The following POM121C variants were observed in gnomAD, a reference collection of about 807,000 sequenced individuals.
The protein encoded by POM121C is POM121 transmembrane nucleoporin C.
A neutral mutation model predicts 66.4 loss-of-function variants in POM121C; 20 were observed. The observed-to-expected ratio is 0.30, with a 90% CI of 0.21 to 0.44. The LOEUF is 0.44. POM121C is among the 20% of genes least tolerant of loss of function. The pLI, the probability that POM121C is intolerant of heterozygous loss-of-function variation, is 1.00. For missense variants in POM121C, 580 were observed against 1,225.7 expected, an observed-to-expected ratio of 0.47 and a Z score of 7.87; for synonymous variants, 286 against 528.0, an observed-to-expected ratio of 0.54 and a Z score of 6.28.
At chr7:75,440,785 G>A (rs1790612892) in intron 5 of POM121C, 169 bp downstream of exon 5, 1 of 1,159,978 alleles carries the variant, frequency 8.6e-7, no homozygotes. Context: ...GCCTTGAAAT[G>A]AACAGCATTA....
intron 11 of POM121C, 28 bp downstream of exon 11, chr7:75,424,498 C>T (rs782306075): frequency 1.1e-5 from 17 of 1,610,350 alleles, no homozygotes; most frequent in South Asian, 4.4e-5. Flanking sequence ...TGAAACCTCT[C>T]GAGAGTGCAA....
chr7:75,456,504 G>A (rs1158840613), intron 3 of POM121C, among the ~76,000 whole-genome samples: 1 of 152,136 alleles, frequency 6.6e-6, no homozygotes, highest in Non-Finnish European at 1.5e-5. Flanking sequence ...AGGGAGAAGA[G>A]GGCCCCAGTG....
At chr7:75,433,594 G>T (rs1201956474) in intron 7 of POM121C, among the ~76,000 whole-genome samples, 2 of 152,058 alleles carry the variant, frequency 1.3e-5, no homozygotes, top group African/African-American at 2.4e-5. Flanking sequence ...CACCTGACCT[G>T]GTGATCTGCC....
intron 7 of POM121C, among the ~76,000 whole-genome samples, chr7:75,430,112 A>G (rs1350484945): frequency 6.6e-6 from 1 of 152,246 alleles, no homozygotes; most frequent in African/African-American, 2.4e-5. Flanking sequence ...CAGTAGATGA[A>G]AGGCAATCCC....
In POM121C at chr7:75,424,162, AG is replaced by A; in HGVS notation, c.934del (p.Leu312CysfsTer22). ...TGGGGAGGCAGTTGCAGCAGCAGGC[AG>A]GGTAAAGGTAAATGAAGGCTGAGTG... The part of the protein sequence containing the change: ...PTTQPSFTFT[L>X]PAAATASPPT... On this transcript the variant is annotated frameshift_variant, in exon 12 of 15. Transcript: ENST00000615331. LOFTEE classifies it high-confidence loss of function. The A allele has an allele frequency of 6.2e-7, 1 of 1,612,018 alleles. No individual in the cohort carries two copies. The highest frequency in any genetic ancestry group is 8.5e-7 in the Non-Finnish European group (1 of 1,179,860).
chr7:75,448,037 A>AC lies in POM121C; in HGVS notation c.-151-6391_-151-6390insG, dbSNP rs1425757273. 1.6e-3 allele frequency among the ~76,000 whole-genome samples: 237 copies of AC among 151,508 alleles called. 1 individual carries two copies. The highest frequency in any genetic ancestry group is 7.0e-3 in the Admixed American group (106 of 15,198). ...AGACTCCGTCTCAAAAAAAAAAAAA[A>AC]AACCAACCAAACAAACAAACAAAAC... On this transcript the variant is annotated intron_variant, in intron 3 of 14. Transcript: ENST00000615331.
intron 8 of POM121C, 51 bp from the exon 9 acceptor site, chr7:75,425,759 T>G: frequency 6.8e-7 from 1 of 1,476,906 alleles, no homozygotes; most frequent in Non-Finnish European, 9.1e-7. Context: ...TTGGCTGAAG[T>G]ATTAAATAAT....
At chr7:75,477,325 G>A (rs1356694964) in intron 1 of POM121C, among the ~76,000 whole-genome samples, 3 of 152,228 alleles carry the variant, frequency 2.0e-5, no homozygotes, top group African/African-American at 4.8e-5. Flanking sequence ...GCTCACGCCT[G>A]TAATCCCAAC....
chr7:75,433,345 A>C (rs1310407015), intron 7 of POM121C, among the ~76,000 whole-genome samples: 2 of 151,144 alleles, frequency 1.3e-5, no homozygotes, highest in Non-Finnish European at 2.9e-5. Flanking sequence ...TATGCATATT[A>C]AAATATATTT....
chr7:75,471,107 A>C (rs1791858184), intron 3 of POM121C, among the ~76,000 whole-genome samples: 1 of 152,222 alleles, frequency 6.6e-6, no homozygotes. Flanking sequence ...GCCCAGCTTG[A>C]AAGCCACAGA....
rs1789522117 is a variant in POM121C, at chr7:75,417,628, G to T, written c.*1168C>A. ...TTAAAAATATGGTTCATTAATTTAG[G>T]TTTTCTAACATCTACTTTGGGTGAC... On this transcript the variant is annotated 3_prime_UTR_variant, in exon 15 of 15. Coordinates refer to ENST00000615331, the MANE Select transcript of POM121C (RefSeq NM_001099415.3). 9.1e-6 allele frequency: 9 copies of T among 984,526 alleles called. No homozygotes were observed. The highest frequency in any genetic ancestry group is 1.7e-5 in the African/African-American group (1 of 57,172). The allele number at this position is 984,526 out of a possible 1,614,324, so 61.0% of individuals were successfully genotyped here.
chr7:75,425,500 A>C, intron 9 of POM121C, 135 bp downstream of exon 9: 1 of 1,135,980 alleles, frequency 8.8e-7, no homozygotes, highest in South Asian at 1.6e-5. Flanking sequence ...AGGAGAGGAA[A>C]TCTCTCTCTT....
rs587656541 is a variant in POM121C, at chr7:75,483,359, T to C, written c.-458+2505A>G. Reference sequence around the variant, plus strand: ...TTCTCCTTATAATCAATGCAAACGATGTCATGGATGGTGATATGGTTTCGG... The same window carrying C: ...TTCTCCTTATAATCAATGCAAACGACGTCATGGATGGTGATATGGTTTCGG... On this transcript the variant is annotated intron_variant, in intron 1 of 14. Coordinates refer to ENST00000615331, the MANE Select transcript of POM121C (RefSeq NM_001099415.3). Among the ~76,000 whole-genome samples, 5 of 152,284 alleles carry C rather than the reference T, an allele frequency of 3.3e-5. No homozygotes were observed. The East Asian group carries it at 9.6e-4, about 29-fold the overall frequency.
intron 3 of POM121C, among the ~76,000 whole-genome samples, chr7:75,456,773 G>GT (rs1310153362): frequency 3.3e-5 from 5 of 152,242 alleles, no homozygotes; most frequent in Admixed American, 6.5e-5. Flanking sequence ...AATGCCAAAT[G>GT]TTGTTTCCAG....
Position 75,421,575 on chromosome 7 carries a change from T to C in POM121C, c.2677A>G (p.Thr893Ala). ...AAGGCAAACGGTGTGCTCTGGCCGG[T>C]GGTGCCCAGGGCGTTCTGACCTAAG... ...GGLGQNALGT[T>A]GQSTPFAFNV... Residue 893 changes from threonine (T) to alanine (A), a missense_variant, in exon 13 of 15, where the codon ACC becomes GCC. Physicochemically the swap from Thr to Ala is moderately conservative, Grantham distance 58. Coordinates refer to ENST00000615331, the MANE Select transcript of POM121C (RefSeq NM_001099415.3). The C allele has an allele frequency of 6.2e-7, 1 of 1,613,018 alleles. No individual in the cohort carries two copies. Among genetic ancestry groups the C allele is most frequent in the Non-Finnish European group, 8.5e-7 (1 of 1,179,822 alleles).
intron 1 of POM121C, among the ~76,000 whole-genome samples, chr7:75,482,603 T>G (rs1792351447): frequency 6.6e-6 from 1 of 152,050 alleles, no homozygotes; most frequent in African/African-American, 2.4e-5. Flanking sequence ...GGCAAGAGGA[T>G]CGTGTGGGCC....
chr7:75,436,848 TG>T (rs1390897532), intron 7 of POM121C, among the ~76,000 whole-genome samples: 1 of 152,056 alleles, frequency 6.6e-6, no homozygotes. Flanking sequence ...CTTGAACTCC[TG>T]GGCTCAAGAG....
intron 3 of POM121C, among the ~76,000 whole-genome samples, chr7:75,455,892 G>A (rs1791195971): frequency 6.6e-6 from 1 of 152,112 alleles, no homozygotes; most frequent in Non-Finnish European, 1.5e-5. Context: ...CATAGGATAT[G>A]GTGCATGGCG....
At chr7:75,473,701 T>G (rs7794227) in intron 3 of POM121C, among the ~76,000 whole-genome samples, 11,537 of 151,982 alleles carry the variant, frequency 0.076, 1,446 homozygotes, top group African/African-American at 0.26. Flanking sequence ...TTTTTTTGTT[T>G]TTTTTGAGAC....
Sources: gnomAD v4.1 joint callset for allele counts (sites outside exome capture counted in the v4.1 genomes callset) on GRCh38, gnomAD v4.1.1 for gene constraint, MANE v1.5 for transcripts, NCBI Gene and HGNC (gene_info 2026-07-23, HGNC 2026-07-21) for gene names.